EFCAB10: variants seen among roughly 807,000 people sequenced by gnomAD.
EFCAB10 encodes the protein EF-hand calcium-binding domain-containing protein 10.
In EFCAB10, 7 loss-of-function variants were observed where a neutral mutation model predicts 7.7. That is an observed-to-expected ratio of 0.91 (90% confidence interval 0.52 to 1.72). The LOEUF (loss-of-function observed/expected upper bound fraction) is 1.72, where lower values mean the gene tolerates loss of function less well. Ranked by LOEUF, EFCAB10 falls within the 40% of genes most tolerant of loss-of-function variation. The pLI is 0.00. For synonymous variants in EFCAB10, 52 were observed against 21.0 expected (o/e 2.47, Z -4.03); for missense variants, 112 against 61.5 (o/e 1.82, Z -2.74).
rs1028477520 is a variant in EFCAB10, at chr7:105,567,468, A to G, written c.382T>C (p.Ter128ArgextTer15). 7.0e-6 allele frequency: 5 copies of G among 715,294 alleles called. No individual in the cohort carries two copies. The highest frequency in any genetic ancestry group is 1.7e-5 in the African/African-American group (1 of 57,222). The allele number at this position is 715,294 out of a possible 1,614,324, so 44.3% of individuals were successfully genotyped here. The change falls in exon 4 of 5, where the codon TGA becomes CGA. Residue 128 changes from the stop codon to arginine, a stop_lost and splice_region_variant. Transcript: ENST00000480514. The stretch of plus-strand genomic sequence containing the variant: ...TTATGGTGTTATTAAAATGCTGACC[A>G]TATTTCCTTCATCCTCTTGTTCCTA... ...EEVNKRMKEI[*>R]
At chr7:105,574,124 GTATATATA>G (rs4006347) in intron 1 of EFCAB10, among the ~76,000 whole-genome samples, 32,462 of 147,944 alleles carry the variant, frequency 0.22, 4,079 homozygotes, top group African/African-American at 0.34. Flanking sequence ...CAATGTGTGT[GTATATATA>G]TATATATATA....
chr7:105,577,514 A>G (rs2115571839), intron 1 of EFCAB10, among the ~76,000 whole-genome samples: 1 of 152,234 alleles, frequency 6.6e-6, no homozygotes, highest in South Asian at 2.1e-4. Context: ...TGCTGGAATG[A>G]CTGTGCTGCT....
intron 3 of EFCAB10, among the ~76,000 whole-genome samples, chr7:105,568,821 C>T (rs150671600): frequency 6.9e-4 from 105 of 152,138 alleles, no homozygotes; most frequent in Middle Eastern, 3.4e-3. Context: ...TGTGGTGATG[C>T]GCATCTGTAA....
chr7:105,570,268 T>TATACAC (rs1188257284), intron 1 of EFCAB10, among the ~76,000 whole-genome samples: 3 of 66,454 alleles, frequency 4.5e-5, no homozygotes, highest in African/African-American at 1.3e-4. Flanking sequence ...TATATATATA[T>TATACAC]ACACACACAC....
intron 1 of EFCAB10, among the ~76,000 whole-genome samples, chr7:105,576,596 C>A (rs1362286735): frequency 6.6e-6 from 1 of 152,154 alleles, no homozygotes; most frequent in Non-Finnish European, 1.5e-5. Context: ...GTGCCTCCCA[C>A]CATGCTTGGC....
chr7:105,570,211 C>CAAAAAAAAAAAA (rs1178986135), intron 1 of EFCAB10, among the ~76,000 whole-genome samples: 1 of 17,356 alleles, frequency 5.8e-5, no homozygotes, highest in Non-Finnish European at 1.1e-4. Flanking sequence ...AAGACTCTCT[C>CAAAAAAAAAAAA]AAAAAAAAAA....
At chr7:105,569,058 A>C (rs1706928) in intron 3 of EFCAB10, 145 bp downstream of exon 3, 609,284 of 614,232 alleles carry the variant, frequency 0.99, 302,332 homozygotes, top group East Asian at 1. Flanking sequence ...CGTCAGCCTT[A>C]CCTGTCCTCA....
chr7:105,576,445 C>CATTATT (rs373395005), intron 1 of EFCAB10, among the ~76,000 whole-genome samples: 1 of 151,722 alleles, frequency 6.6e-6, no homozygotes, highest in Non-Finnish European at 1.5e-5. Context: ...TTCTCATCAT[C>CATTATT]ATTATTATTA....
chr7:105,566,051 C>A (rs1195350856), intron 4 of EFCAB10, among the ~76,000 whole-genome samples: 1 of 151,856 alleles, frequency 6.6e-6, no homozygotes, highest in Non-Finnish European at 1.5e-5. Flanking sequence ...GGGCAGATCA[C>A]AAAGTCAGGA....
At chr7:105,565,991 C>T (rs947600968) in intron 4 of EFCAB10, among the ~76,000 whole-genome samples, 4 of 152,178 alleles carry the variant, frequency 2.6e-5, no homozygotes, top group East Asian at 3.9e-4. Flanking sequence ...ATTACAGGGC[C>T]GGGCGTGGTG....
intron 1 of EFCAB10, among the ~76,000 whole-genome samples, chr7:105,575,991 C>A (rs898463166): frequency 6.6e-6 from 1 of 151,966 alleles, no homozygotes; most frequent in Non-Finnish European, 1.5e-5. Context: ...GAGCTGAGAT[C>A]GCGCCATTGC....
chr7:105,580,838 A>G (rs561881466), intron 1 of EFCAB10, among the ~76,000 whole-genome samples: 1 of 152,274 alleles, frequency 6.6e-6, no homozygotes, highest in South Asian at 2.1e-4. Flanking sequence ...CAAATTTTGT[A>G]GGGGGTTCAG....
intron 4 of EFCAB10, chr7:105,567,072 T>G: frequency 8.5e-7 from 1 of 1,182,172 alleles, no homozygotes; most frequent in Non-Finnish European, 1.2e-6. Flanking sequence ...ATATAATTGA[T>G]GCAGATAATG....
At chr7:105,579,853 G>A (rs1792176678) in intron 1 of EFCAB10, among the ~76,000 whole-genome samples, 1 of 152,018 alleles carries the variant, frequency 6.6e-6, no homozygotes, top group Non-Finnish European at 1.5e-5. Flanking sequence ...TATAAGCTTT[G>A]GAGTACTTTT....
intron 3 of EFCAB10, 136 bp from the exon 4 acceptor site, chr7:105,567,626 GA>G (rs1791825644): frequency 3.6e-6 from 2 of 551,824 alleles, no homozygotes; most frequent in Non-Finnish European, 6.4e-6. Context: ...CTAATTAAGG[GA>G]AATTCTGTTG....
At chr7:105,566,151 A>G (rs771003712) in intron 4 of EFCAB10, among the ~76,000 whole-genome samples, 2 of 151,128 alleles carry the variant, frequency 1.3e-5, no homozygotes. Context: ...GGTGGCGGGC[A>G]CCTGTAGTCC....
At chr7:105,570,231 AAAAAAAAAAATATATATAT>A (rs1791903521) in intron 1 of EFCAB10, among the ~76,000 whole-genome samples, 3 of 74,956 alleles carry the variant, frequency 4.0e-5, no homozygotes, top group African/African-American at 2.0e-4. Flanking sequence ...AAAAAAAAAA[AAAAAAAAAAATATATATAT>A]ATATATATAT....
intron 4 of EFCAB10, 132 bp from the exon 5 acceptor site, chr7:105,565,579 T>G: frequency 6.2e-7 from 1 of 1,614,100 alleles, no homozygotes; most frequent in Non-Finnish European, 8.5e-7. Flanking sequence ...CAGCTGCAGT[T>G]TGATATGACT....
intron 3 of EFCAB10, among the ~76,000 whole-genome samples, chr7:105,567,849 G>A (rs1336225801): frequency 6.6e-6 from 1 of 152,024 alleles, no homozygotes; most frequent in African/African-American, 2.4e-5. Flanking sequence ...TGGCCAACAT[G>A]TCAAGACCCT....
Sources: gnomAD v4.1 joint callset for allele counts (sites outside exome capture counted in the v4.1 genomes callset) on GRCh38, gnomAD v4.1.1 for gene constraint, MANE v1.5 for transcripts, NCBI Gene and HGNC (gene_info 2026-07-23, HGNC 2026-07-21) for gene names.